LRP1B: variants seen among roughly 807,000 people sequenced by gnomAD.
The protein encoded by LRP1B is LDL receptor related protein 1B, also known as low-density lipoprotein receptor-related protein 1B.
LRP1B carries 217 observed loss-of-function variants against 556.6 expected under a neutral mutation model. The ratio of observed to expected loss-of-function variants is 0.39; its 90% CI spans 0.35 to 0.44. The LOEUF (loss-of-function observed/expected upper bound fraction) is 0.44, where lower values mean the gene tolerates loss of function less well. Ranked by LOEUF, LRP1B falls within the 20% of genes least tolerant of loss-of-function variation. The pLI is 1.00. For missense variants in LRP1B, 5,053 were observed against 5,620.8 expected, an observed-to-expected ratio of 0.90 and a Z score of 3.23; for synonymous variants, 2,047 against 1,865.8, an observed-to-expected ratio of 1.10 and a Z score of -2.50.
intron 79 of LRP1B, among the ~76,000 whole-genome samples, chr2:140,331,396 G>A (rs17477437): frequency 0.021 from 3,121 of 151,786 alleles, 38 homozygotes; most frequent in African/African-American, 0.029. Flanking sequence ...TGTCTTATAC[G>A]GTGCCCAATA....
intron 15 of LRP1B, among the ~76,000 whole-genome samples, chr2:141,002,656 G>A (rs1697459942): frequency 6.6e-6 from 1 of 152,136 alleles, no homozygotes; most frequent in Non-Finnish European, 1.5e-5. Flanking sequence ...AAGTGTAAGT[G>A]TTCAGTACAG....
intron 1 of LRP1B, among the ~76,000 whole-genome samples, chr2:142,117,341 CA>C (rs1168269690): frequency 6.6e-6 from 1 of 152,128 alleles, no homozygotes; most frequent in Non-Finnish European, 1.5e-5. Context: ...GACAGAAATG[CA>C]GGATTCATCC....
At chr2:141,490,341 C>T (rs912723064) in intron 2 of LRP1B, among the ~76,000 whole-genome samples, 2 of 138,678 alleles carry the variant, frequency 1.4e-5, no homozygotes, top group Admixed American at 7.6e-5. Flanking sequence ...TAGATCACGT[C>T]AGAAAATATT....
At chr2:140,941,583 T>C (rs544176894) in intron 20 of LRP1B, among the ~76,000 whole-genome samples, 2 of 152,102 alleles carry the variant, frequency 1.3e-5, no homozygotes, top group African/African-American at 4.8e-5. Context: ...ATCTACTGGA[T>C]TGAGCCTGAA....
chr2:141,705,075 C>T (rs1444290104), intron 2 of LRP1B, among the ~76,000 whole-genome samples: 4 of 151,826 alleles, frequency 2.6e-5, no homozygotes, highest in Non-Finnish European at 5.9e-5. Flanking sequence ...CACCACCTCA[C>T]TTAATTCTTA....
intron 3 of LRP1B, among the ~76,000 whole-genome samples, chr2:141,369,428 T>C (rs1278367504): frequency 6.6e-6 from 1 of 152,098 alleles, no homozygotes; most frequent in Admixed American, 6.6e-5. Flanking sequence ...TCAGAAACAA[T>C]GAATTCAAGG....
At chr2:141,708,366 A>T (rs1018639481) in intron 2 of LRP1B, among the ~76,000 whole-genome samples, 2 of 152,132 alleles carry the variant, frequency 1.3e-5, no homozygotes, top group African/African-American at 4.8e-5. Context: ...GGCTACTTTT[A>T]ACAGGGGTCA....
intron 43 of LRP1B, among the ~76,000 whole-genome samples, chr2:140,554,951 T>A (rs1318395207): frequency 3.3e-5 from 5 of 151,618 alleles, no homozygotes; most frequent in Non-Finnish European, 7.4e-5. Context: ...ATAAAATCTT[T>A]TCTTTGTGGA....
At chr2:141,997,415 A>ATGTG (rs138233497) in intron 1 of LRP1B, among the ~76,000 whole-genome samples, 9 of 138,356 alleles carry the variant, frequency 6.5e-5, no homozygotes, top group Non-Finnish European at 1.2e-4. Context: ...AAATGTATAT[A>ATGTG]TGTGTGTGTG....
At chr2:142,088,974 CA>C (rs1289382985) in intron 1 of LRP1B, among the ~76,000 whole-genome samples, 22 of 39,756 alleles carry the variant, frequency 5.5e-4, no homozygotes, top group African/African-American at 1.5e-3. Flanking sequence ...GGCTCCGTCT[CA>C]AAAAAAAAAA....
intron 35 of LRP1B, among the ~76,000 whole-genome samples, chr2:140,720,576 G>A (rs1317659894): frequency 6.6e-6 from 1 of 151,982 alleles, no homozygotes; most frequent in Non-Finnish European, 1.5e-5. Context: ...TTTTTAGTTG[G>A]GAGAAAAGTT....
At chr2:140,777,168 C>T (rs771315916) in intron 32 of LRP1B, among the ~76,000 whole-genome samples, 2 of 152,046 alleles carry the variant, frequency 1.3e-5, no homozygotes, top group Non-Finnish European at 2.9e-5. Context: ...CAAATTGAGA[C>T]CACAAATCAA....
intron 1 of LRP1B, among the ~76,000 whole-genome samples, chr2:142,099,201 A>G (rs1453009964): frequency 6.6e-6 from 1 of 152,012 alleles, no homozygotes; most frequent in Non-Finnish European, 1.5e-5. Context: ...ATGCATGTGT[A>G]AAACCAAATT....
At chr2:141,107,843 TATC>T (rs1700645147) in intron 7 of LRP1B, among the ~76,000 whole-genome samples, 1 of 152,100 alleles carries the variant, frequency 6.6e-6, no homozygotes, top group Non-Finnish European at 1.5e-5. Context: ...TAACAATTCT[TATC>T]ATTAGAATAG....
intron 12 of LRP1B, among the ~76,000 whole-genome samples, chr2:141,018,446 A>G (rs1187025741): frequency 6.6e-6 from 1 of 152,122 alleles, no homozygotes; most frequent in Non-Finnish European, 1.5e-5. Flanking sequence ...AAGAGCTTGA[A>G]CTATGTAGAT....
At chr2:141,270,932 G>A (rs1457826131) in intron 3 of LRP1B, among the ~76,000 whole-genome samples, 1 of 151,824 alleles carries the variant, frequency 6.6e-6, no homozygotes, top group Non-Finnish European at 1.5e-5. Context: ...GGCTATAATG[G>A]CAAGTTTTAT....
chr2:141,414,415 C>A (rs890794854), intron 3 of LRP1B, among the ~76,000 whole-genome samples: 1 of 151,232 alleles, frequency 6.6e-6, no homozygotes, highest in Non-Finnish European at 1.5e-5. Context: ...TAAAGCTTCC[C>A]CCCTCATACT....
intron 3 of LRP1B, among the ~76,000 whole-genome samples, chr2:141,392,395 A>G (rs994648298): frequency 1.3e-5 from 2 of 151,504 alleles, no homozygotes; most frequent in African/African-American, 4.9e-5. Flanking sequence ...TGGTAAAAAA[A>G]CAAATCATCC....
chr2:141,083,949 T>C (rs1699986484), intron 7 of LRP1B, among the ~76,000 whole-genome samples: 1 of 152,348 alleles, frequency 6.6e-6, no homozygotes, highest in Non-Finnish European at 1.5e-5. Flanking sequence ...CTAAGATAAC[T>C]ATTTTTATTA....
Sources: gnomAD v4.1 joint callset for allele counts (sites outside exome capture counted in the v4.1 genomes callset) on GRCh38, gnomAD v4.1.1 for gene constraint, MANE v1.5 for transcripts, NCBI Gene and HGNC (gene_info 2026-07-23, HGNC 2026-07-21) for gene names.